The following PLEKHA6 variants were observed in gnomAD, a reference collection of about 807,000 sequenced individuals.
The protein encoded by PLEKHA6 is pleckstrin homology domain-containing family A member 6.
In PLEKHA6, 60 loss-of-function variants were observed where a neutral mutation model predicts 116.7. The ratio of observed to expected loss-of-function variants is 0.51; its 90% confidence interval spans 0.42 to 0.64. PLEKHA6 has a LOEUF of 0.64. Ranked by LOEUF, PLEKHA6 falls within the 30% of genes least tolerant of loss-of-function variation. The probability of loss-of-function intolerance (pLI) is 0.00; values close to 1 mark genes in which losing one functional copy is unlikely to be tolerated. For missense variants in PLEKHA6, 1,338 were observed against 1,422.7 expected, an observed-to-expected ratio of 0.94 and a Z score of 0.96; for synonymous variants, 489 against 556.1, an observed-to-expected ratio of 0.88 and a Z score of 1.70.
chr1:204,313,734 C>T (rs1258667125), intron 1 of PLEKHA6: 1 of 984,050 alleles, frequency 1.0e-6, no homozygotes, highest in Non-Finnish European at 1.2e-6. Context: ...TGTCATCTCC[C>T]TGGGAGACAT....
At chr1:204,230,013 G>A (rs1428598454) in intron 18 of PLEKHA6, among the ~76,000 whole-genome samples, 3 of 152,228 alleles carry the variant, frequency 2.0e-5, no homozygotes, top group Non-Finnish European at 4.4e-5. Context: ...GGATTATACT[G>A]TGCCATGCAA....
intron 1 of PLEKHA6, among the ~76,000 whole-genome samples, chr1:204,304,630 G>GA (rs1238790030): frequency 6.6e-6 from 1 of 152,130 alleles, no homozygotes; most frequent in African/African-American, 2.4e-5. Flanking sequence ...TTTGCTTTCT[G>GA]AAAAAAATTG....
chr1:204,349,564 C>T (rs1269144347), intron 1 of PLEKHA6, among the ~76,000 whole-genome samples: 1 of 142,802 alleles, frequency 7.0e-6, no homozygotes, highest in Middle Eastern at 3.5e-3. Flanking sequence ...AAAAAAGAAT[C>T]CTTGAGTTCT....
intron 4 of PLEKHA6, 102 bp from the exon 5 acceptor site, chr1:204,267,649 T>C: frequency 1.0e-6 from 1 of 962,862 alleles, no homozygotes; most frequent in South Asian, 1.3e-5. Context: ...AAGGACATCC[T>C]GGCCCTAGCT....
intron 1 of PLEKHA6, among the ~76,000 whole-genome samples, chr1:204,303,381 A>G (rs769423203): frequency 9.8e-5 from 15 of 152,344 alleles, no homozygotes; most frequent in Non-Finnish European, 1.8e-4. Context: ...TGAAAATGGG[A>G]TGAAAAAATC....
At chr1:204,236,599 G>C (rs1337897358) in intron 17 of PLEKHA6, among the ~76,000 whole-genome samples, 1 of 152,156 alleles carries the variant, frequency 6.6e-6, no homozygotes, top group Non-Finnish European at 1.5e-5. Context: ...GGGTCCAAGT[G>C]GTGGCACTCA....
In PLEKHA6 at chr1:204,230,508, GC is replaced by G; in HGVS notation, c.2487del (p.Arg830GlyfsTer7). 1.3e-6 allele frequency: 2 copies of G among 1,589,702 alleles called. No homozygotes were observed. The highest frequency in any genetic ancestry group is 1.7e-6 in the Non-Finnish European group (2 of 1,168,034). On this transcript the variant is annotated frameshift_variant, in exon 18 of 23. Transcript: ENST00000272203. LOFTEE classifies it high-confidence loss of function. Reference sequence around the variant, plus strand: ...TCCCTCATGGAGCCACTCTGGTGCCGCCGCATTCGGTCAATCTGCTCCTCCA... The same window carrying G: ...TCCCTCATGGAGCCACTCTGGTGCCGCGCATTCGGTCAATCTGCTCCTCCA... ...MSVEEQIDRM[R>X]RHQSGSMREK...
chr1:204,236,658 A>G (rs2102504216), intron 17 of PLEKHA6, among the ~76,000 whole-genome samples: 1 of 152,326 alleles, frequency 6.6e-6, no homozygotes, highest in South Asian at 2.1e-4. Context: ...CAGCAGAGGC[A>G]AAATGGCAAT....
chr1:204,306,122 TCCTCCTCCAATGTATATCTCACCACCC>T (rs1671277205), intron 1 of PLEKHA6, among the ~76,000 whole-genome samples: 1 of 151,932 alleles, frequency 6.6e-6, no homozygotes, highest in Admixed American at 6.6e-5. Flanking sequence ...TCCACCACAT[TCCTCCTCCAATGTATATCTCACCACCC>T]CAAATCTGCT....
chr1:204,302,669 G>A (rs772640680), intron 1 of PLEKHA6, among the ~76,000 whole-genome samples: 7 of 152,162 alleles, frequency 4.6e-5, no homozygotes, highest in Admixed American at 6.5e-5. Flanking sequence ...CTGAGGTCAG[G>A]AATTTGAGAC....
At chr1:204,265,259 G>A (rs1260675535) in intron 5 of PLEKHA6, among the ~76,000 whole-genome samples, 1 of 152,220 alleles carries the variant, frequency 6.6e-6, no homozygotes, top group Non-Finnish European at 1.5e-5. Context: ...TGCTGTTCCA[G>A]ACACTGGGAC....
intron 1 of PLEKHA6, among the ~76,000 whole-genome samples, chr1:204,321,870 G>A (rs965529143): frequency 6.6e-6 from 1 of 152,234 alleles, no homozygotes; most frequent in East Asian, 1.9e-4. Context: ...TTAAGGCAGT[G>A]CAGGCCCAAG....
At chr1:204,334,751 T>C (rs1672581183) in intron 1 of PLEKHA6, among the ~76,000 whole-genome samples, 1 of 151,860 alleles carries the variant, frequency 6.6e-6, no homozygotes, top group Non-Finnish European at 1.5e-5. Context: ...ATACAAAAAT[T>C]AGCCGGGCGC....
chr1:204,308,932 G>A (rs139943833), intron 1 of PLEKHA6: 4,170 of 180,548 alleles, frequency 0.023, 52 homozygotes, highest in Middle Eastern at 0.061. Context: ...CTCATGATCC[G>A]CCCACCTTGG....
In PLEKHA6 at chr1:204,250,528, A is replaced by T. The variant is rs1220795132; in HGVS notation, c.1593+18T>A. 1.3e-6 allele frequency: 2 copies of T among 1,592,670 alleles called. No homozygotes were observed. Among genetic ancestry groups the T allele is most frequent in the African/African-American group, 2.7e-5 (2 of 74,514 alleles). ...GGAGGCTGGAGTGGAGGGAGGGAGC[A>T]GGGGGCGCTGCTCTTACATCTGTGT... is the stretch of plus-strand genomic sequence containing the variant. On this transcript the variant is annotated intron_variant, in intron 10 of 22. Coordinates refer to ENST00000272203, the MANE Select transcript of PLEKHA6 (RefSeq NM_014935.5).
intron 21 of PLEKHA6, among the ~76,000 whole-genome samples, chr1:204,225,735 C>T (rs1260098924): frequency 2.6e-5 from 4 of 152,230 alleles, no homozygotes; most frequent in Non-Finnish European, 5.9e-5. Context: ...CAGGTCTCCA[C>T]ACAACATCCT....
chr1:204,278,044 G>C (rs1185754914), intron 1 of PLEKHA6: 4 of 152,232 alleles, frequency 2.6e-5, no homozygotes, highest in African/African-American at 9.6e-5. Context: ...ATACATTCCA[G>C]CTGGGGACTG....
At position 204,238,860 on chromosome 1, in the gene PLEKHA6, C is replaced by T. The variant is rs1662419783; in HGVS notation, c.2409+2515G>A. On this transcript the variant is annotated intron_variant, in intron 17 of 22. Coordinates refer to ENST00000272203, the MANE Select transcript of PLEKHA6 (RefSeq NM_014935.5). The surrounding 1 kb of genome is among the most constrained non-coding windows in gnomAD (Gnocchi z 4.2). ...GAATAGCAGTGAAGGGAAATCTTCC[C>T]AGTGGGCAGAACTTCAAGCAGTGCA... Among the ~76,000 whole-genome samples the T allele has an allele frequency of 6.6e-6, 1 of 152,226 alleles. No individual in the cohort carries two copies. Among genetic ancestry groups the T allele is most frequent in the Non-Finnish European group, 1.5e-5 (1 of 68,044 alleles).
intron 1 of PLEKHA6, among the ~76,000 whole-genome samples, chr1:204,340,618 C>T (rs1024144438): frequency 3.3e-5 from 5 of 152,152 alleles, no homozygotes; most frequent in African/African-American, 1.2e-4. Context: ...GGTACCCTGA[C>T]CCCCAGGGCC....
Sources: allele counts gnomAD v4.1 joint callset (sites outside exome capture counted in the v4.1 genomes callset), GRCh38; gene constraint gnomAD v4.1.1; non-coding constraint Gnocchi (gnomAD v3.1); transcripts MANE v1.5; gene names NCBI Gene and HGNC (gene_info 2026-07-23, HGNC 2026-07-21).